Variants in MATN2 observed in about 807,000 individuals in gnomAD.
MATN2 encodes matrilin 2, also known as matrilin-2.
In MATN2, 69 loss-of-function variants were observed where a neutral mutation model predicts 103.2. The observed-to-expected ratio is 0.67, with a 90% CI of 0.55 to 0.82. The LOEUF (loss-of-function observed/expected upper bound fraction) is 0.82, where lower values mean the gene tolerates loss of function less well. Ranked by LOEUF, MATN2 falls within the 40% of genes least tolerant of loss-of-function variation. The pLI, the probability that MATN2 is intolerant of heterozygous loss-of-function variation, is 0.00. For synonymous variants in MATN2, 429 were observed against 450.2 expected (o/e 0.95, Z 0.60); for missense variants, 1,023 against 1,211.5 (o/e 0.84, Z 2.31).
chr8:97,964,514 T>C (rs1182824017), intron 5 of MATN2, among the ~76,000 whole-genome samples: 1 of 151,428 alleles, frequency 6.6e-6, no homozygotes, highest in African/African-American at 2.4e-5. Context: ...GATCACAGCT[T>C]TGCAGCCTCG....
chr8:97,938,516 C>T (rs1256405856), intron 3 of MATN2, among the ~76,000 whole-genome samples: 1 of 152,146 alleles, frequency 6.6e-6, no homozygotes, highest in African/African-American at 2.4e-5. Flanking sequence ...CAGGAATGTT[C>T]ATCACAACAC....
intron 2 of MATN2, among the ~76,000 whole-genome samples, chr8:97,920,329 T>C (rs1809771584): frequency 6.6e-6 from 1 of 152,182 alleles, no homozygotes; most frequent in Admixed American, 6.5e-5. Context: ...TGCCTCAGCC[T>C]CCTGAGTAGC....
intron 2 of MATN2, among the ~76,000 whole-genome samples, chr8:97,918,651 T>G (rs1197717402): frequency 6.6e-6 from 1 of 152,160 alleles, no homozygotes; most frequent in African/African-American, 2.4e-5. Context: ...GATTTGCACT[T>G]AGGCGACTGT....
intron 4 of MATN2, among the ~76,000 whole-genome samples, chr8:97,950,460 T>C (rs1216741962): frequency 6.6e-6 from 1 of 151,868 alleles, no homozygotes; most frequent in East Asian, 1.9e-4. Flanking sequence ...GGGGCAGGGA[T>C]GCCTTCACTC....
intron 2 of MATN2, among the ~76,000 whole-genome samples, chr8:97,899,259 G>A (rs1464216691): frequency 1.3e-5 from 2 of 152,106 alleles, no homozygotes; most frequent in East Asian, 1.9e-4. Flanking sequence ...TGTGTAGTTC[G>A]TCACTGTACC....
intron 2 of MATN2, among the ~76,000 whole-genome samples, chr8:97,905,503 T>TC (rs1819137392): frequency 2.0e-5 from 3 of 152,334 alleles, no homozygotes; most frequent in African/African-American, 7.2e-5. Context: ...TTAGCTTTTT[T>TC]CATTTAGCTT....
intron 12 of MATN2, 41 bp from the exon 13 acceptor site, chr8:98,021,164 C>T: frequency 6.2e-7 from 1 of 1,602,808 alleles, no homozygotes; most frequent in Non-Finnish European, 8.5e-7. Context: ...CACCTCATTT[C>T]TACACTGATG....
rs1029150187 is a variant in MATN2, at chr8:98,034,145, G to A, written c.2815+486G>A. ...TGTGTTTAGTTTCTGGAGGACAGGA[G>A]TGGTTTTTTCTTTTTTTTCCCTTGG... On this transcript the variant is annotated intron_variant, in intron 18 of 18. Coordinates refer to ENST00000254898, the MANE Select transcript of MATN2 (RefSeq NM_002380.5). The A allele has an allele frequency of 1.3e-5, 6 of 454,090 alleles. No individual in the cohort carries two copies. In the East Asian group the frequency reaches 2.8e-4, roughly 21 times the overall value. 28.1% of individuals were successfully genotyped at this position (454,090 alleles called of 1,614,324 possible). A position where few individuals can be genotyped will look rare whatever the true frequency, so the allele number is the denominator to read the frequency against.
intron 3 of MATN2, among the ~76,000 whole-genome samples, chr8:97,937,355 G>A (rs552818495): frequency 1.3e-5 from 2 of 152,274 alleles, no homozygotes; most frequent in East Asian, 3.9e-4. Context: ...TAAAGAAATA[G>A]CCTACAAGAG....
At chr8:97,960,846 G>A (rs1271047920) in intron 4 of MATN2, among the ~76,000 whole-genome samples, 1 of 152,114 alleles carries the variant, frequency 6.6e-6, no homozygotes, top group Non-Finnish European at 1.5e-5. Context: ...ACAGAGACTC[G>A]CTCTGTCGTC....
intron 2 of MATN2, among the ~76,000 whole-genome samples, chr8:97,920,471 G>T (rs1310958025): frequency 6.6e-6 from 1 of 152,202 alleles, no homozygotes; most frequent in Admixed American, 6.5e-5. Flanking sequence ...GCCTCCCAAA[G>T]TGCTGAGATT....
chr8:97,953,516 G>T (rs1047052094), intron 4 of MATN2, among the ~76,000 whole-genome samples: 2 of 152,104 alleles, frequency 1.3e-5, no homozygotes, highest in Non-Finnish European at 2.9e-5. Context: ...GCTGAGCGTG[G>T]TGGCTCACGC....
At chr8:97,888,953 C>T (rs910909639) in intron 2 of MATN2, among the ~76,000 whole-genome samples, 1 of 152,068 alleles carries the variant, frequency 6.6e-6, no homozygotes, top group African/African-American at 2.4e-5. Context: ...GATATAACTT[C>T]CCTGAGGCTC....
chr8:98,024,516 A>G (rs1466832726), intron 13 of MATN2, among the ~76,000 whole-genome samples: 1 of 151,974 alleles, frequency 6.6e-6, no homozygotes, highest in Non-Finnish European at 1.5e-5. Flanking sequence ...AACAACAACA[A>G]CAACAACAAC....
At chr8:97,999,683 T>C (rs994217128) in intron 7 of MATN2, among the ~76,000 whole-genome samples, 11 of 151,834 alleles carry the variant, frequency 7.2e-5, no homozygotes, top group Admixed American at 5.2e-4. Context: ...CACATGGGAG[T>C]GAGCTCCAGA....
chr8:98,009,757 G>A (rs59628634), intron 10 of MATN2, among the ~76,000 whole-genome samples: 1,681 of 152,234 alleles, frequency 0.011, 24 homozygotes, highest in African/African-American at 0.037. Context: ...GGGATGGGGC[G>A]ATCTCTTTTA....
At chr8:98,028,955 G>A (rs145224837) in intron 14 of MATN2, among the ~76,000 whole-genome samples, 45 of 152,278 alleles carry the variant, frequency 3.0e-4, no homozygotes, top group African/African-American at 9.6e-4. Context: ...AGGAAATAAG[G>A]TATGCACAGA....
intron 5 of MATN2, among the ~76,000 whole-genome samples, chr8:97,968,991 G>T (rs772117178): frequency 2.4e-4 from 37 of 152,228 alleles, no homozygotes; most frequent in Non-Finnish European, 1.0e-4. Context: ...AGTTCTGCAG[G>T]CTGTACAAGA....
At chr8:97,876,328 T>A (rs964468913) in intron 1 of MATN2, among the ~76,000 whole-genome samples, 1 of 152,056 alleles carries the variant, frequency 6.6e-6, no homozygotes, top group East Asian at 1.9e-4. Flanking sequence ...TAGCTGGGAT[T>A]ACAGGCATGC....
Sources: gnomAD v4.1 joint callset for allele counts (sites outside exome capture counted in the v4.1 genomes callset) on GRCh38, gnomAD v4.1.1 for gene constraint, MANE v1.5 for transcripts, NCBI Gene and HGNC (gene_info 2026-07-23, HGNC 2026-07-21) for gene names.